Variants in GNA14 observed in about 807,000 individuals in gnomAD.
GNA14 encodes the protein guanine nucleotide-binding protein subunit alpha-14.
In GNA14, 50 loss-of-function variants were observed where a neutral mutation model predicts 42.0. That is an observed-to-expected ratio of 1.19 (90% CI 0.95 to 1.51). The LOEUF is 1.51. Ranked by LOEUF, GNA14 falls within the 40% of genes most tolerant of loss-of-function variation. GNA14 has a pLI of 0.00. For synonymous variants in GNA14, 173 were observed against 163.1 expected (o/e 1.06, Z -0.46); for missense variants, 473 against 446.2 (o/e 1.06, Z -0.54).
At chr9:77,591,045 A>T (rs1283699855) in intron 1 of GNA14, among the ~76,000 whole-genome samples, 1 of 152,220 alleles carries the variant, frequency 6.6e-6, no homozygotes, top group Non-Finnish European at 1.5e-5. Flanking sequence ...ACTTAAAGTC[A>T]TCTCATTTTT....
chr9:77,489,360 T>C (rs986117404), intron 2 of GNA14, among the ~76,000 whole-genome samples: 1 of 152,090 alleles, frequency 6.6e-6, no homozygotes, highest in Non-Finnish European at 1.5e-5. Context: ...CAAAGCTTAT[T>C]TAAAAAAATA....
intron 1 of GNA14, among the ~76,000 whole-genome samples, chr9:77,539,051 T>G (rs749325439): frequency 2.6e-5 from 4 of 152,220 alleles, no homozygotes; most frequent in Non-Finnish European, 2.9e-5. Context: ...CTATGTTGAA[T>G]AGGAGTGGTG....
At chr9:77,534,930 G>A (rs2131772485) in intron 1 of GNA14, among the ~76,000 whole-genome samples, 1 of 152,322 alleles carries the variant, frequency 6.6e-6, no homozygotes, top group East Asian at 1.9e-4. Flanking sequence ...AGTCTGTTGT[G>A]TATGCAAAGC....
At chr9:77,545,096 G>A (rs1200841925) in intron 1 of GNA14, among the ~76,000 whole-genome samples, 1 of 152,118 alleles carries the variant, frequency 6.6e-6, no homozygotes, top group African/African-American at 2.4e-5. Flanking sequence ...AGAGACAATA[G>A]ACTTAAAATC....
At chr9:77,529,318 A>G in intron 1 of GNA14, 65 bp from the exon 2 acceptor site, 1 of 1,242,706 alleles carries the variant, frequency 8.0e-7, no homozygotes, top group South Asian at 1.2e-5. Flanking sequence ...GAAGAAACAG[A>G]GGACCTCCTG....
intron 1 of GNA14, among the ~76,000 whole-genome samples, chr9:77,639,698 A>G (rs1266224860): frequency 6.6e-6 from 1 of 152,202 alleles, no homozygotes; most frequent in Non-Finnish European, 1.5e-5. Flanking sequence ...TGGTACTAGC[A>G]TTTGCTATGT....
chr9:77,518,582 G>C (rs112191791), intron 2 of GNA14, among the ~76,000 whole-genome samples: 13 of 152,276 alleles, frequency 8.5e-5, no homozygotes, highest in African/African-American at 3.1e-4. Flanking sequence ...AAGGAAGGCA[G>C]CTAACTTAGA....
At chr9:77,646,460 C>T (rs1343428065) in intron 1 of GNA14, among the ~76,000 whole-genome samples, 3 of 152,106 alleles carry the variant, frequency 2.0e-5, no homozygotes, top group Admixed American at 2.0e-4. Flanking sequence ...CCCAGAAGGC[C>T]AGACTGGGCC....
intron 1 of GNA14, among the ~76,000 whole-genome samples, chr9:77,531,937 CTTTAGT>C (rs1390190986): frequency 6.6e-6 from 1 of 152,108 alleles, no homozygotes; most frequent in African/African-American, 2.4e-5. Context: ...TTAAAATATT[CTTTAGT>C]TTTAAATTGT....
intron 1 of GNA14, among the ~76,000 whole-genome samples, chr9:77,563,253 G>A (rs1047437338): frequency 6.6e-6 from 1 of 152,150 alleles, no homozygotes; most frequent in African/African-American, 2.4e-5. Flanking sequence ...CAGAGCTCAT[G>A]CTGTATATTA....
chr9:77,625,172 C>T (rs4320617), intron 1 of GNA14, among the ~76,000 whole-genome samples: 42,160 of 151,218 alleles, frequency 0.28, 6,757 homozygotes, highest in African/African-American at 0.44. Context: ...TGAAGATCAA[C>T]TTAACGAAAT....
At chr9:77,446,825 A>T (rs1835826940) in intron 2 of GNA14, among the ~76,000 whole-genome samples, 1 of 152,200 alleles carries the variant, frequency 6.6e-6, no homozygotes, top group Admixed American at 6.5e-5. Context: ...TTTACTTTAT[A>T]CAGCCAAAGA....
intron 2 of GNA14, among the ~76,000 whole-genome samples, chr9:77,497,198 G>A (rs1836886555): frequency 6.6e-6 from 1 of 152,110 alleles, no homozygotes; most frequent in African/African-American, 2.4e-5. Context: ...AAGCCTACTG[G>A]CCTTGTCCCC....
At chr9:77,484,625 C>G (rs1182290233) in intron 2 of GNA14, among the ~76,000 whole-genome samples, 1 of 152,076 alleles carries the variant, frequency 6.6e-6, no homozygotes, top group Non-Finnish European at 1.5e-5. Context: ...TCTTGTAGTA[C>G]AGTTGTCCCC....
chr9:77,555,376 A>G (rs1822758738), intron 1 of GNA14, among the ~76,000 whole-genome samples: 1 of 152,110 alleles, frequency 6.6e-6, no homozygotes, highest in South Asian at 2.1e-4. Flanking sequence ...GCGTGGTGGC[A>G]TGGGCCATTC....
At chr9:77,580,354 C>A in intron 1 of GNA14, 2 of 338,750 alleles carry the variant, frequency 5.9e-6, no homozygotes, top group South Asian at 3.1e-5. Flanking sequence ...ATTGACGCGT[C>A]ATGCCTTAGG....
chr9:77,469,285 G>A (rs1418900631), intron 2 of GNA14, among the ~76,000 whole-genome samples: 1 of 145,006 alleles, frequency 6.9e-6, no homozygotes, highest in Non-Finnish European at 1.5e-5. Context: ...TGAAGAGAGA[G>A]AATAAATGAA....
chr9:77,455,820 A>G (rs1471546157), intron 2 of GNA14, among the ~76,000 whole-genome samples: 1 of 152,186 alleles, frequency 6.6e-6, no homozygotes, highest in Non-Finnish European at 1.5e-5. Context: ...TCAGAAACAA[A>G]TATGTGGCTA....
intron 1 of GNA14, among the ~76,000 whole-genome samples, chr9:77,554,959 G>A (rs116324759): frequency 1.0e-3 from 157 of 152,306 alleles, no homozygotes; most frequent in African/African-American, 3.2e-3. Context: ...GATGTGTGAG[G>A]AAACAGAAAG....
Sources: gnomAD v4.1 joint callset for allele counts (sites outside exome capture counted in the v4.1 genomes callset) on GRCh38, gnomAD v4.1.1 for gene constraint, MANE v1.5 for transcripts, NCBI Gene and HGNC (gene_info 2026-07-23, HGNC 2026-07-21) for gene names.